The following KARS1 variants were observed in gnomAD, a reference collection of about 807,000 sequenced individuals.
KARS1 encodes lysyl-tRNA synthetase 1, also known as lysine--tRNA ligase.
Under a neutral mutation model 63.9 loss-of-function variants are expected in KARS1, and 50 were observed. The ratio of observed to expected loss-of-function variants is 0.78; its 90% CI spans 0.62 to 0.99. The LOEUF is 0.99. Ranked by LOEUF, KARS1 falls within the 50% of genes least tolerant of loss-of-function variation. The pLI is 0.00. For missense variants in KARS1, 816 were observed against 754.5 expected (o/e 1.08, Z -0.95); for synonymous variants, 320 against 264.6 (o/e 1.21, Z -2.03).
intron 11 of KARS1, 115 bp downstream of exon 11, chr16:75,630,308 G>A (rs1173787758): frequency 4.2e-5 from 30 of 720,070 alleles, no homozygotes; most frequent in Non-Finnish European, 6.6e-5. Flanking sequence ...GGGTTACCCT[G>A]GTCAACACCA....
In KARS1 at chr16:75,641,068, C is replaced by G. The variant is rs182942541; in HGVS notation, c.222+496G>C. Among the ~76,000 whole-genome samples, 31 of 152,186 alleles carry G rather than the reference C, an allele frequency of 2.0e-4. No individual in the cohort carries two copies. The East Asian group carries it at 5.8e-3, about 28-fold the overall frequency. On this transcript the variant is annotated intron_variant, in intron 2 of 13. Coordinates refer to ENST00000302445, the MANE Select transcript of KARS1 (RefSeq NM_005548.3). ...CCTCTAATACCAGTTACTTGGGAGG[C>G]TGAGGAAGGAGAATCACTTGAACCG...
chr16:75,647,613 C>T lies in KARS1; in HGVS notation c.27G>A (p.Val9=). Residue 9 remains valine, a synonymous_variant, in exon 1 of 14, where the codon GTG becomes GTA. Transcript: ENST00000302445. Reference sequence around the variant, plus strand: ...GTTTCGGCTCGCTGCCATCCACTTTCACCTCGGCCGCCTGCACGGCCGCCA... The same window carrying T: ...GTTTCGGCTCGCTGCCATCCACTTTTACCTCGGCCGCCTGCACGGCCGCCA... MAAVQAAE[V]KVDGSEPKLS... 1 of 1,613,440 alleles carries T rather than the reference C, an allele frequency of 6.2e-7. No individual in the cohort carries two copies. Among genetic ancestry groups the T allele is most frequent in the South Asian group, 1.1e-5 (1 of 91,048 alleles).
Position 75,631,455 on chromosome 16 carries a change from C to A in KARS1, c.1213G>T (p.Gly405Trp), listed in dbSNP as rs374802658. 1 of 1,614,184 alleles carries A rather than the reference C, an allele frequency of 6.2e-7. No individual in the cohort carries two copies. The highest frequency in any genetic ancestry group is 8.5e-7 in the Non-Finnish European group (1 of 1,180,036). ...AGGTTCGTTTCTGGCAGCTTCATCC[C>A]CAGGGCTTTCTCAAGCTCTTCTACC... ...NMVEELEKAL[G>W]MKLPETNLFE... is the part of the protein sequence containing the mutation. Residue 405 changes from glycine (G) to tryptophan (W), a missense_variant, in exon 9 of 14, where the codon GGG becomes TGG. Gly to Trp is a radical substitution (Grantham distance 184). Transcript: ENST00000302445.
At chr16:75,636,122 C>T (rs745655602) in intron 4 of KARS1, 24 bp from the exon 5 acceptor site, 1 of 1,393,396 alleles carries the variant, frequency 7.2e-7, no homozygotes, top group African/African-American at 1.4e-5. Context: ...AAATGTAATT[C>T]AGTAACAACA....
At chr16:75,639,834 C>T in intron 3 of KARS1, 1 of 211,376 alleles carries the variant, frequency 4.7e-6, no homozygotes, top group East Asian at 1.2e-4. Flanking sequence ...CAAGATACTA[C>T]AACTCCAAAA....
Position 75,636,447 on chromosome 16 carries a change from G to A in KARS1, c.482+7C>T, listed in dbSNP as rs544209447. 6.3e-6 allele frequency: 10 copies of A among 1,583,254 alleles called. No homozygotes were observed. In the East Asian group the frequency reaches 1.8e-4, roughly 28 times the overall value. On this transcript the variant is annotated splice_region_variant and intron_variant, in intron 4 of 13. Coordinates refer to ENST00000302445, the MANE Select transcript of KARS1 (RefSeq NM_005548.3). The stretch of plus-strand genomic sequence containing the variant: ...AGAAAGGTCTATAACTGGGTATTTC[G>A]AGATACCTGGAATTGGCCATGACTT...
In KARS1 at chr16:75,640,454, C is replaced by T. The variant is rs2082212070; in HGVS notation, c.223-105G>A. 27 of 1,059,848 alleles carry T rather than the reference C, an allele frequency of 2.5e-5. No homozygotes were observed. In the South Asian group the frequency reaches 3.4e-4, roughly 13 times the overall value. 65.7% of individuals were successfully genotyped at this position (1,059,848 alleles called of 1,614,324 possible). A position where few individuals can be genotyped will look rare whatever the true frequency, so the allele number is the denominator to read the frequency against. On this transcript the variant is annotated intron_variant, in intron 2 of 13. Transcript: ENST00000302445. The stretch of plus-strand genomic sequence containing the variant: ...ATTCTGCCCCCGAGTGACCCCAATA[C>T]ATTGTTTTCTTTAACCAAGACCTCT...
At position 75,630,313 on chromosome 16, in the gene KARS1, A is replaced by C. The variant is rs762580138; in HGVS notation, c.1424+110T>G. 1.8e-4 allele frequency: 137 copies of C among 744,336 alleles called. No individual in the cohort carries two copies. Among genetic ancestry groups the C allele is most frequent in the Non-Finnish European group, 2.9e-4 (123 of 428,712 alleles). The allele number at this position is 744,336 out of a possible 1,614,324, so 46.1% of individuals were successfully genotyped here. A position where few individuals can be genotyped will look rare whatever the true frequency, so the allele number is the denominator to read the frequency against. On this transcript the variant is annotated intron_variant, in intron 11 of 13. Coordinates refer to ENST00000302445, the MANE Select transcript of KARS1 (RefSeq NM_005548.3). ...AAAGCCACTTGGGTTACCCTGGTCA[A>C]CACCACCCAGCAGAAAGACCACCAG...
At chr16:75,638,584 T>C (rs547614970) in intron 3 of KARS1, among the ~76,000 whole-genome samples, 1 of 152,036 alleles carries the variant, frequency 6.6e-6, no homozygotes, top group South Asian at 2.1e-4. Flanking sequence ...CTAGAAAAAC[T>C]AAGAAATGAG....
At chr16:75,640,099 A>C in intron 3 of KARS1, 85 bp downstream of exon 3, 1 of 1,178,032 alleles carries the variant, frequency 8.5e-7, no homozygotes, top group African/African-American at 1.5e-5. Context: ...TGAGAACAAG[A>C]CCAACCCAGA....
At chr16:75,638,114 A>G (rs1219939366) in intron 3 of KARS1, among the ~76,000 whole-genome samples, 1 of 152,194 alleles carries the variant, frequency 6.6e-6, no homozygotes, top group Non-Finnish European at 1.5e-5. Context: ...TACCATATAA[A>G]GTTACTTAAA....
Position 75,631,490 on chromosome 16 carries a change from C to G in KARS1, c.1178G>C (p.Arg393Pro). The change falls in exon 9 of 14, where the codon CGA becomes CCA. Residue 393 changes from arginine (R) to proline (P), a missense_variant. Physicochemically the swap from Arg to Pro is moderately radical, Grantham distance 103. Transcript: ENST00000302445. Reference protein sequence around the residue: ...YDVDFTPPFRRINMVEELEKA... With the variant: ...YDVDFTPPFRPINMVEELEKA... ...CTCAAGCTCTTCTACCATGTTGATT[C>G]GCCGGAAGGGTGGGGTGAAGTCAAC... The G allele has an allele frequency of 6.2e-7, 1 of 1,614,158 alleles. No homozygotes were observed. Among genetic ancestry groups the G allele is most frequent in the Non-Finnish European group, 8.5e-7 (1 of 1,180,024 alleles).
intron 1 of KARS1, 84 bp from the exon 2 acceptor site, chr16:75,641,807 G>T (rs2082228288): frequency 1.4e-6 from 2 of 1,419,118 alleles, no homozygotes; most frequent in Admixed American, 3.4e-5. Context: ...TCAAAAACAT[G>T]AATCGCCCAG....
At chr16:75,645,825 C>T (rs983091018) in intron 1 of KARS1, among the ~76,000 whole-genome samples, 3 of 102,406 alleles carry the variant, frequency 2.9e-5, no homozygotes, top group Non-Finnish European at 5.5e-5. Flanking sequence ...CCAGCCGGGG[C>T]AACAACGACT....
chr16:75,644,988 T>C (rs2082265225), intron 1 of KARS1, among the ~76,000 whole-genome samples: 1 of 152,240 alleles, frequency 6.6e-6, no homozygotes, highest in Non-Finnish European at 1.5e-5. Context: ...GTCCTTAGAC[T>C]GCGTTATGTT....
chr16:75,628,885 CAA>C (rs1000059860), intron 12 of KARS1, 173 bp from the exon 13 acceptor site: 7 of 723,222 alleles, frequency 9.7e-6, no homozygotes, highest in Non-Finnish European at 1.7e-5. Context: ...CCGTTTCTTT[CAA>C]AGACCTGGAG....
chr16:75,636,509 T>C lies in KARS1; in HGVS notation c.427A>G (p.Ile143Val), dbSNP rs2082163344. The change falls in exon 4 of 14, where the codon ATC (isoleucine) becomes GTC (valine). Residue 143 changes from isoleucine to valine, a missense_variant. Ile to Val is a conservative substitution (Grantham distance 29). Coordinates refer to ENST00000302445, the MANE Select transcript of KARS1 (RefSeq NM_005548.3). The part of the protein sequence containing the change: ...HAKRASGGKL[I>V]FYDLRGEGVK... Reference sequence around the variant, plus strand: ...CCCTCTCCTCGAAGATCATAGAAGATGAGCTTTCCCCCAGAAGCTCTTTTG... The same window carrying C: ...CCCTCTCCTCGAAGATCATAGAAGACGAGCTTTCCCCCAGAAGCTCTTTTG... 1.2e-6 allele frequency: 2 copies of C among 1,613,642 alleles called. No individual in the cohort carries two copies. Among genetic ancestry groups the C allele is most frequent in the Non-Finnish European group, 8.5e-7 (1 of 1,179,600 alleles).
At chr16:75,630,022 C>T (rs967438431) in intron 11 of KARS1, among the ~76,000 whole-genome samples, 1 of 152,182 alleles carries the variant, frequency 6.6e-6, no homozygotes, top group African/African-American at 2.4e-5. Flanking sequence ...CATTCATGCC[C>T]ATGTGTAGTC....
intron 7 of KARS1, among the ~76,000 whole-genome samples, chr16:75,633,023 G>A (rs1002085948): frequency 2.0e-5 from 3 of 152,092 alleles, no homozygotes; most frequent in Admixed American, 6.6e-5. Flanking sequence ...GGCCCTCTTG[G>A]GGGGAGGTTG....
Sources: gnomAD v4.1 joint callset for allele counts (sites outside exome capture counted in the v4.1 genomes callset) on GRCh38, gnomAD v4.1.1 for gene constraint, MANE v1.5 for transcripts, NCBI Gene and HGNC (gene_info 2026-07-23, HGNC 2026-07-21) for gene names.